The following GALNTL6 variants were observed in gnomAD, a reference collection of about 807,000 sequenced individuals.
GALNTL6 encodes the protein polypeptide N-acetylgalactosaminyltransferase-like 6.
GALNTL6 carries 46 observed loss-of-function variants against 73.7 expected under a neutral mutation model. The ratio of observed to expected loss-of-function variants is 0.62; its 90% CI spans 0.49 to 0.80. The LOEUF is 0.80. Among genes scored for constraint, GALNTL6 ranks in the 30% least tolerant of loss-of-function variants. The probability of loss-of-function intolerance (pLI) is 0.00; values close to 1 mark genes in which losing one functional copy is unlikely to be tolerated. For missense variants in GALNTL6, 604 were observed against 755.0 expected (o/e 0.80, Z 2.34); for synonymous variants, 259 against 263.7 (o/e 0.98, Z 0.17).
intron 5 of GALNTL6, among the ~76,000 whole-genome samples, chr4:172,579,706 A>C (rs1737097939): frequency 6.6e-6 from 1 of 152,170 alleles, no homozygotes; most frequent in Non-Finnish European, 1.5e-5. Context: ...TAAAGCTAGA[A>C]ATAGCAAGGT....
At chr4:172,417,087 A>C (rs1030198691) in intron 5 of GALNTL6, among the ~76,000 whole-genome samples, 2 of 152,230 alleles carry the variant, frequency 1.3e-5, no homozygotes, top group Non-Finnish European at 2.9e-5. Flanking sequence ...TTGGCTTTAT[A>C]GATGAAGTAT....
At chr4:172,616,701 C>T (rs950944934) in intron 5 of GALNTL6, among the ~76,000 whole-genome samples, 2 of 152,052 alleles carry the variant, frequency 1.3e-5, no homozygotes, top group African/African-American at 4.8e-5. Flanking sequence ...TTATGACATC[C>T]ATGTGCTCCA....
intron 12 of GALNTL6, among the ~76,000 whole-genome samples, chr4:173,024,883 A>G (rs1003078109): frequency 2.0e-5 from 3 of 151,914 alleles, no homozygotes; most frequent in Non-Finnish European, 4.4e-5. Flanking sequence ...CCAGCCTGGA[A>G]CTCCCACTTT....
chr4:172,253,650 T>C (rs1230403652), intron 3 of GALNTL6, among the ~76,000 whole-genome samples: 1 of 151,998 alleles, frequency 6.6e-6, no homozygotes, highest in Non-Finnish European at 1.5e-5. Flanking sequence ...CAAGCTTGTA[T>C]GTGACCAGAA....
rs376612339 is a variant in GALNTL6, at chr4:171,816,577, A to G, written c.138+1859A>G. The stretch of plus-strand genomic sequence containing the variant: ...TATGACATTCCAGTTTAATAACTCT[A>G]TGTAGAGGCTTTGAAACCAAGTGGG... On this transcript the variant is annotated intron_variant, in intron 2 of 12. Transcript: ENST00000506823. Among the ~76,000 whole-genome samples, 58 of 152,192 alleles carry G rather than the reference A, an allele frequency of 3.8e-4. 1 individual carries two copies. In the East Asian group the frequency reaches 6.4e-3, roughly 17 times the overall value.
chr4:171,836,228 T>C (rs1167647543), intron 2 of GALNTL6, among the ~76,000 whole-genome samples: 1 of 152,034 alleles, frequency 6.6e-6, no homozygotes, highest in Non-Finnish European at 1.5e-5. Flanking sequence ...TAAAAATAGT[T>C]GGCACATCTG....
chr4:172,783,359 A>G (rs1739474025), intron 5 of GALNTL6, among the ~76,000 whole-genome samples: 1 of 147,758 alleles, frequency 6.8e-6, no homozygotes, highest in Non-Finnish European at 1.5e-5. Context: ...AAATATATAA[A>G]TAGTGTATTA....
At chr4:172,086,449 G>T (rs1048169192) in intron 2 of GALNTL6, among the ~76,000 whole-genome samples, 3 of 151,680 alleles carry the variant, frequency 2.0e-5, no homozygotes, top group African/African-American at 7.3e-5. Context: ...TAATTATTTT[G>T]ACTTTAAACT....
intron 8 of GALNTL6, among the ~76,000 whole-genome samples, chr4:172,903,297 C>T (rs376200186): frequency 4.6e-5 from 7 of 152,238 alleles, no homozygotes; most frequent in African/African-American, 1.7e-4. Flanking sequence ...ATTTTTGTCC[C>T]GATTTACTGC....
chr4:171,958,752 T>G (rs529259399), intron 2 of GALNTL6, among the ~76,000 whole-genome samples: 1 of 152,274 alleles, frequency 6.6e-6, no homozygotes, highest in Non-Finnish European at 1.5e-5. Context: ...GTGAAAAATG[T>G]AATGCATTGA....
chr4:172,121,991 A>C (rs980470896), intron 2 of GALNTL6, among the ~76,000 whole-genome samples: 2 of 151,418 alleles, frequency 1.3e-5, no homozygotes, highest in Non-Finnish European at 2.9e-5. Flanking sequence ...CTATTTTCTT[A>C]CTTTTTTTGT....
chr4:172,130,081 A>C (rs1441606805), intron 2 of GALNTL6, among the ~76,000 whole-genome samples: 1 of 152,138 alleles, frequency 6.6e-6, no homozygotes, highest in Non-Finnish European at 1.5e-5. Context: ...TGAGAATTAC[A>C]TCATTGTTTT....
At chr4:172,219,208 T>C (rs1251704138) in intron 2 of GALNTL6, among the ~76,000 whole-genome samples, 1 of 146,078 alleles carries the variant, frequency 6.8e-6, no homozygotes, top group Non-Finnish European at 1.5e-5. Flanking sequence ...TGTATATATA[T>C]ATATATATAT....
intron 5 of GALNTL6, among the ~76,000 whole-genome samples, chr4:172,411,702 A>G (rs533129092): frequency 6.6e-6 from 1 of 152,026 alleles, no homozygotes; most frequent in Non-Finnish European, 1.5e-5. Context: ...AAGGGACAAA[A>G]TCTTGGCTTA....
intron 5 of GALNTL6, among the ~76,000 whole-genome samples, chr4:172,502,796 A>G (rs1271781935): frequency 6.6e-6 from 1 of 152,186 alleles, no homozygotes; most frequent in East Asian, 1.9e-4. Flanking sequence ...TTACAGACTG[A>G]AACTCAGGCA....
At chr4:172,369,114 A>G (rs1742686547) in intron 5 of GALNTL6, among the ~76,000 whole-genome samples, 1 of 152,148 alleles carries the variant, frequency 6.6e-6, no homozygotes, top group South Asian at 2.1e-4. Context: ...TGATTGGTCC[A>G]TTCTACAGAG....
chr4:171,889,124 C>G (rs917233503), intron 2 of GALNTL6, among the ~76,000 whole-genome samples: 1 of 151,836 alleles, frequency 6.6e-6, no homozygotes, highest in African/African-American at 2.4e-5. Context: ...CAGTAGGGTA[C>G]TCAGTTAAAA....
At chr4:172,691,786 T>A (rs1181683096) in intron 5 of GALNTL6, among the ~76,000 whole-genome samples, 1 of 152,230 alleles carries the variant, frequency 6.6e-6, no homozygotes, top group African/African-American at 2.4e-5. Context: ...ACTGTGATAG[T>A]CTCTCATACT....
At position 172,557,891 on chromosome 4, in the gene GALNTL6, T is replaced by C. The variant is rs144672511; in HGVS notation, c.553+209202T>C. Among the ~76,000 whole-genome samples, 449 of 152,238 alleles carry C rather than the reference T, an allele frequency of 2.9e-3. 1 individual carries two copies. Among genetic ancestry groups the C allele is most frequent in the African/African-American group, 0.01 (417 of 41,540 alleles). On this transcript the variant is annotated intron_variant, in intron 5 of 12. Transcript: ENST00000506823. ...ACCTATGACCCAGAAAATTAATTTC[T>C]AGATATATATCAAGAAAAATAAAAA...
Sources: allele counts gnomAD v4.1 joint callset (sites outside exome capture counted in the v4.1 genomes callset), GRCh38; gene constraint gnomAD v4.1.1; transcripts MANE v1.5; gene names NCBI Gene and HGNC (gene_info 2026-07-23, HGNC 2026-07-21).